COL18A1: variants seen among roughly 807,000 people sequenced by gnomAD.
The protein encoded by COL18A1 is collagen type XVIII alpha 1 chain, also known as collagen alpha-1(XVIII) chain.
Under a neutral mutation model 168.0 loss-of-function variants are expected in COL18A1, and 133 were observed. The ratio of observed to expected loss-of-function variants is 0.79; its 90% CI spans 0.69 to 0.91. COL18A1 has a LOEUF of 0.91. COL18A1 is among the 40% of genes least tolerant of loss of function. The pLI, the probability that COL18A1 is intolerant of heterozygous loss-of-function variation, is 0.00. For synonymous variants in COL18A1, 949 were observed against 809.0 expected (o/e 1.17, Z -2.94); for missense variants, 2,126 against 1,925.4 (o/e 1.10, Z -1.95).
chr21:45,488,329 A>C, intron 17 of COL18A1, 89 bp from the exon 18 acceptor site: 2 of 1,557,818 alleles, frequency 1.3e-6, no homozygotes, highest in Non-Finnish European at 1.8e-6. Flanking sequence ...TGAAGTCTTG[A>C]CTGTTACTAG....
chr21:45,505,892 G>A lies in COL18A1; in HGVS notation c.3142G>A (p.Glu1048Lys), dbSNP rs201265799. ...AMLGQVHEVP[E>K]GWLIFVAEQE... Reference sequence around the variant, plus strand: ...GCTGGGCCAGGTGCACGAGGTTCCCGAGGGCTGGCTCATCTTCGTGGCCGA... The same window carrying A: ...GCTGGGCCAGGTGCACGAGGTTCCCAAGGGCTGGCTCATCTTCGTGGCCGA... The change falls in exon 37 of 42, where the codon GAG (glutamate) becomes AAG (lysine). Residue 1048 changes from glutamate (E) to lysine (K), a missense_variant. Physicochemically the swap from Glu to Lys is moderately conservative, Grantham distance 56. Coordinates refer to ENST00000651438, the MANE Select transcript of COL18A1 (RefSeq NM_001379500.1). The A allele has an allele frequency of 6.1e-5, 99 of 1,612,450 alleles. No individual in the cohort carries two copies. Among genetic ancestry groups the A allele is most frequent in the Admixed American group, 6.0e-4 (36 of 59,990 alleles).
intron 15 of COL18A1, among the ~76,000 whole-genome samples, chr21:45,483,041 T>C (rs529248610): frequency 1.3e-5 from 2 of 152,342 alleles, no homozygotes; most frequent in East Asian, 3.9e-4. Context: ...ACTTTTGTGA[T>C]GTGGCTTCCG....
chr21:45,503,702 G>A (rs2036999565), intron 32 of COL18A1, among the ~76,000 whole-genome samples: 3 of 150,602 alleles, frequency 2.0e-5, no homozygotes, highest in Admixed American at 2.0e-4. Context: ...CGAGTTAGTG[G>A]GTGCAGCACA....
At chr21:45,478,052 G>C (rs1454720995) in intron 8 of COL18A1, 87 bp downstream of exon 8, 2 of 801,662 alleles carry the variant, frequency 2.5e-6, no homozygotes, top group African/African-American at 1.7e-5. Flanking sequence ...CGACATGGGA[G>C]TGAGCTGAGC....
intron 2 of COL18A1, 73 bp downstream of exon 2, chr21:45,405,546 C>A: frequency 1.0e-6 from 1 of 960,736 alleles, no homozygotes; most frequent in Non-Finnish European, 1.3e-6. Context: ...GGGTCCCCGC[C>A]CGGCTCCCTC....
At chr21:45,482,972 C>A (rs2035952990) in intron 15 of COL18A1, 151 bp downstream of exon 15, 1 of 1,204,924 alleles carries the variant, frequency 8.3e-7, no homozygotes, top group Non-Finnish European at 1.2e-6. Flanking sequence ...TCCATCCGTC[C>A]TGCCGGAATC....
intron 2 of COL18A1, among the ~76,000 whole-genome samples, chr21:45,459,120 G>C (rs952449995): frequency 6.6e-6 from 1 of 152,200 alleles, no homozygotes; most frequent in Non-Finnish European, 1.5e-5. Flanking sequence ...CCAGGGGTGG[G>C]CCTCAAGCTT....
At chr21:45,406,034 G>T (rs1314063027) in intron 2 of COL18A1, among the ~76,000 whole-genome samples, 1 of 152,066 alleles carries the variant, frequency 6.6e-6, no homozygotes, top group African/African-American at 2.4e-5. Flanking sequence ...AGCGCCGCGC[G>T]GTCCGAGAAC....
At chr21:45,459,671 T>G (rs912927705) in intron 2 of COL18A1, among the ~76,000 whole-genome samples, 3 of 152,182 alleles carry the variant, frequency 2.0e-5, no homozygotes, top group African/African-American at 7.2e-5. Context: ...TGCTGTGTTG[T>G]GGGCTTGTCC....
chr21:45,506,986 G>GGT, intron 37 of COL18A1: 2 of 280,478 alleles, frequency 7.1e-6, no homozygotes, highest in South Asian at 3.4e-5. Context: ...GCACCCGGAT[G>GGT]CAGCCCCATC....
Position 45,443,559 on chromosome 21 carries a change from G to C in COL18A1, c.107-24683G>C, listed in dbSNP as rs2034438741. On this transcript the variant is annotated intron_variant, in intron 2 of 41. Coordinates refer to ENST00000651438, the MANE Select transcript of COL18A1 (RefSeq NM_001379500.1). This position sits in a 1 kb window ranked among gnomAD's most constrained non-coding sequence, Gnocchi z 5.2. ...TTGCACTGTGGTCTCTCGGGACCTA[G>C]GAGGTCCCGGGGTGTGGACTGTGCT... 2.0e-5 allele frequency among the ~76,000 whole-genome samples: 3 copies of C among 152,110 alleles called. No individual in the cohort carries two copies. In the South Asian group the frequency reaches 6.2e-4, roughly 31 times the overall value.
At chr21:45,510,892 C>A (rs2037537538) in intron 40 of COL18A1, among the ~76,000 whole-genome samples, 1 of 152,068 alleles carries the variant, frequency 6.6e-6, no homozygotes, top group Non-Finnish European at 1.5e-5. Flanking sequence ...ACGCTTGTTC[C>A]CTGGCAGGAC....
intron 38 of COL18A1, among the ~76,000 whole-genome samples, chr21:45,508,463 A>ATGG (rs1602640340): frequency 8.4e-4 from 60 of 71,710 alleles, no homozygotes; most frequent in South Asian, 2.1e-3. Context: ...GGATGGGTGG[A>ATGG]TGGACAGGTG....
At position 45,442,949 on chromosome 21, in the gene COL18A1, C is replaced by T. The variant is rs1437836535; in HGVS notation, c.107-25293C>T. Among the ~76,000 whole-genome samples, 8 of 108,980 alleles carry T rather than the reference C, an allele frequency of 7.3e-5. 1 individual carries two copies. Among genetic ancestry groups the T allele is most frequent in the Non-Finnish European group, 8.8e-5 (5 of 56,556 alleles). The allele number at this position is 108,980 out of a possible 152,430, so 71.5% of individuals were successfully genotyped here. The stretch of plus-strand genomic sequence containing the variant: ...GCGGTGGTGGTGCTGGTGTGGGCAG[C>T]GGTGCTGATGTGGGTGGTGGTGCTG... On this transcript the variant is annotated intron_variant, in intron 2 of 41. Transcript: ENST00000651438.
chr21:45,492,509 CGA>C, intron 22 of COL18A1, 24 bp from the exon 23 acceptor site: 1 of 1,613,472 alleles, frequency 6.2e-7, no homozygotes, highest in Non-Finnish European at 8.5e-7. Context: ...TCTTTGTTTC[CGA>C]TTTTTCCTTT....
intron 14 of COL18A1, 98 bp downstream of exon 14, chr21:45,482,123 C>A: frequency 1.1e-6 from 1 of 904,482 alleles, no homozygotes; most frequent in Non-Finnish European, 1.8e-6. Context: ...GGGGAAATGC[C>A]AGGAATAGCC....
At chr21:45,445,620 T>G (rs149364374) in intron 2 of COL18A1, among the ~76,000 whole-genome samples, 1 of 152,216 alleles carries the variant, frequency 6.6e-6, no homozygotes, top group African/African-American at 2.4e-5. Context: ...ATCACTTGTT[T>G]TTCTCTGACT....
At chr21:45,470,715 G>A (rs966147778) in intron 3 of COL18A1, among the ~76,000 whole-genome samples, 2 of 152,040 alleles carry the variant, frequency 1.3e-5, no homozygotes, top group East Asian at 1.9e-4. Flanking sequence ...TCGAACTCCC[G>A]ACCTCAGGTG....
Position 45,493,199 on chromosome 21 carries a change from G to T in COL18A1, c.2251G>T (p.Gly751Cys). 6.4e-7 allele frequency: 1 copy of T among 1,562,796 alleles called. No individual in the cohort carries two copies. Among genetic ancestry groups the T allele is most frequent in the East Asian group, 2.4e-5 (1 of 41,962 alleles). ...ACCCAAGGGCAACCTGGGCTCTAAG[G>T]GCGAACGAGGCTCCCCGGGACCCAA... ...AGPKGNLGSK[G>C]ERGSPGPKGE... is the part of the protein sequence containing the mutation. Residue 751 changes from glycine to cysteine, a missense_variant, in exon 25 of 42, where the codon GGC (glycine) becomes TGC (cysteine). By Grantham distance (159) the Gly-to-Cys change is radical (BLOSUM62 -3). Coordinates refer to ENST00000651438, the MANE Select transcript of COL18A1 (RefSeq NM_001379500.1).
Sources: gnomAD v4.1 joint callset for allele counts (sites outside exome capture counted in the v4.1 genomes callset) on GRCh38, gnomAD v4.1.1 for gene constraint, Gnocchi (gnomAD v3.1) non-coding constraint, MANE v1.5 for transcripts, NCBI Gene and HGNC (gene_info 2026-07-23, HGNC 2026-07-21) for gene names.